The following KIF9 variants were observed in gnomAD, a reference collection of about 807,000 sequenced individuals.
KIF9 encodes the protein kinesin-like protein KIF9.
In KIF9, 68 loss-of-function variants were observed where a neutral mutation model predicts 94.8. The ratio of observed to expected loss-of-function variants is 0.72; its 90% CI spans 0.59 to 0.88. The LOEUF is 0.88. Among genes scored for constraint, KIF9 ranks in the 40% least tolerant of loss-of-function variants. The probability of loss-of-function intolerance (pLI) is 0.00; values close to 1 mark genes in which losing one functional copy is unlikely to be tolerated. For synonymous variants in KIF9, 343 were observed against 362.1 expected (o/e 0.95, Z 0.60); for missense variants, 882 against 982.5 (o/e 0.90, Z 1.37).
intron 10 of KIF9, among the ~76,000 whole-genome samples, chr3:47,250,957 TG>T (rs1700235687): frequency 6.6e-6 from 1 of 152,200 alleles, no homozygotes; most frequent in Non-Finnish European, 1.5e-5. Context: ...ACAGAACCCC[TG>T]GCATCCTGAT....
At chr3:47,258,194 AT>A (rs1700742725) in intron 9 of KIF9, among the ~76,000 whole-genome samples, 1 of 152,238 alleles carries the variant, frequency 6.6e-6, no homozygotes, top group Non-Finnish European at 1.5e-5. Context: ...TTTTATTTAA[AT>A]TTTAACCCAA....
intron 16 of KIF9, among the ~76,000 whole-genome samples, chr3:47,241,468 T>C (rs1407362415): frequency 6.6e-6 from 1 of 151,746 alleles, no homozygotes; most frequent in Non-Finnish European, 1.5e-5. Flanking sequence ...ATTACAGGCA[T>C]GCGCCACCAC....
At chr3:47,244,214 A>G (rs886348629) in intron 15 of KIF9, 2 of 152,460 alleles carry the variant, frequency 1.3e-5, no homozygotes, top group African/African-American at 4.8e-5. Flanking sequence ...AGAAGTGCAG[A>G]GCAGGGAAGG....
At chr3:47,270,935 T>C (rs1701605740) in intron 5 of KIF9, among the ~76,000 whole-genome samples, 1 of 139,868 alleles carries the variant, frequency 7.1e-6, no homozygotes, top group African/African-American at 2.7e-5. Flanking sequence ...GCCCAAGAGT[T>C]CAAGACCAGC....
rs1468117816 is a variant in KIF9, at chr3:47,267,245, T to C, written c.610A>G (p.Ile204Val). 11 of 1,613,096 alleles carry C rather than the reference T, an allele frequency of 6.8e-6. No individual in the cohort carries two copies. The highest frequency in any genetic ancestry group is 9.3e-6 in the Non-Finnish European group (11 of 1,179,186). ...TTTTTGTTCATAGTGTGGGAGGCTA[T>C]AATCCTGTTGGTCTCACCCTGAAGA... Reference protein sequence around the residue: ...LLFEGETNRIIASHTMNKNSS... With the variant: ...LLFEGETNRIVASHTMNKNSS... The change falls in exon 6 of 21, where the codon ATA becomes GTA. Residue 204 changes from isoleucine (I) to valine (V), a missense_variant. Ile to Val is a conservative substitution (Grantham distance 29). Transcript: ENST00000684063.
chr3:47,255,719 C>T (rs191377813), intron 10 of KIF9, among the ~76,000 whole-genome samples: 262 of 151,022 alleles, frequency 1.7e-3, no homozygotes, highest in African/African-American at 5.9e-3. Context: ...AAATTTTCTT[C>T]GCTCTCCCTC....
At chr3:47,257,782 T>C (rs1700717577) in intron 9 of KIF9, among the ~76,000 whole-genome samples, 1 of 152,222 alleles carries the variant, frequency 6.6e-6, no homozygotes, top group Admixed American at 6.5e-5. Context: ...TCCAGCAGCC[T>C]GGTCCTCGTC....
chr3:47,254,310 T>C (rs577425847), intron 10 of KIF9, among the ~76,000 whole-genome samples: 2 of 152,214 alleles, frequency 1.3e-5, no homozygotes, highest in South Asian at 2.1e-4. Context: ...ATACAAAAAT[T>C]AGCTGGGTGT....
In KIF9 at chr3:47,235,682, G is replaced by A. The variant is rs1340168199; in HGVS notation, c.2218-65C>T. On this transcript the variant is annotated intron_variant, in intron 19 of 20. Transcript: ENST00000684063. ...TATACCCTAGCAGAGCCTGTGGTGT[G>A]CATCAGGGCAGTCCCTTGCTGGGTT... is the stretch of plus-strand genomic sequence containing the variant. 14 of 1,300,166 alleles carry A rather than the reference G, an allele frequency of 1.1e-5. No homozygotes were observed. In the East Asian group the frequency reaches 2.5e-4, roughly 23 times the overall value. The allele number at this position is 1,300,166 out of a possible 1,614,324, so 80.5% of individuals were successfully genotyped here. A position where few individuals can be genotyped will look rare whatever the true frequency, so the allele number is the denominator to read the frequency against.
chr3:47,264,482 G>A (rs1701175142), intron 8 of KIF9, 132 bp from the exon 9 acceptor site: 3 of 667,730 alleles, frequency 4.5e-6, no homozygotes, highest in African/African-American at 3.6e-5. Flanking sequence ...TGTCACCCAG[G>A]CTGTAGTGCA....
chr3:47,232,947 T>G (rs1698711427), intron 20 of KIF9, among the ~76,000 whole-genome samples: 2 of 149,092 alleles, frequency 1.3e-5, no homozygotes, highest in Non-Finnish European at 1.5e-5. Context: ...CGCCACTGCA[T>G]TCCAGGTTGG....
At chr3:47,245,244 A>ATT in intron 14 of KIF9, 177 bp downstream of exon 14, 1 of 634,998 alleles carries the variant, frequency 1.6e-6, no homozygotes, top group South Asian at 1.9e-5. Flanking sequence ...TATGGAAATT[A>ATT]TTTTTAATTC....
chr3:47,280,702 CA>C (rs1167976515), intron 1 of KIF9, among the ~76,000 whole-genome samples: 1 of 152,114 alleles, frequency 6.6e-6, no homozygotes, highest in Non-Finnish European at 1.5e-5. Flanking sequence ...AACAAATAAG[CA>C]AAAGCATCAC....
chr3:47,240,950 A>G lies in KIF9; in HGVS notation c.1775T>C (p.Ile592Thr), dbSNP rs766695752. Reference sequence around the variant, plus strand: ...TTTGTTTTCTTTGAAAATTCGGTTGATCTCACTACCTTGCTCATTCTTAAA... The same window carrying G: ...TTTGTTTTCTTTGAAAATTCGGTTGGTCTCACTACCTTGCTCATTCTTAAA... ...EEFKNEQGSE[I>T]NRIFKENKSI... Residue 592 changes from isoleucine to threonine, a missense_variant, in exon 17 of 21, where the codon ATC becomes ACC. Ile to Thr is a moderately conservative substitution (Grantham distance 89). Transcript: ENST00000684063. 1 of 1,614,050 alleles carries G rather than the reference A, an allele frequency of 6.2e-7. No homozygotes were observed. The highest frequency in any genetic ancestry group is 8.5e-7 in the Non-Finnish European group (1 of 1,180,006).
intron 1 of KIF9, among the ~76,000 whole-genome samples, chr3:47,279,626 T>TA (rs937775258): frequency 2.0e-5 from 3 of 151,628 alleles, no homozygotes; most frequent in Admixed American, 2.0e-4. Context: ...TATTTTATTT[T>TA]TTTTTTTTGA....
At chr3:47,241,733 A>ATG (rs950309342) in intron 16 of KIF9, among the ~76,000 whole-genome samples, 1 of 148,022 alleles carries the variant, frequency 6.8e-6, no homozygotes, top group Non-Finnish European at 1.5e-5. Context: ...CATTTTATAT[A>ATG]TGTGTGTGTA....
Position 47,267,064 on chromosome 3 carries a change from T to C in KIF9, c.680A>G (p.His227Arg). The C allele has an allele frequency of 6.2e-7, 1 of 1,613,680 alleles. No homozygotes were observed. The highest frequency in any genetic ancestry group is 8.5e-7 in the Non-Finnish European group (1 of 1,179,834). ...CTTTTCCTCTGATAAGGTCCGGGAATGGGCCTACAAAACATCCAAGCAGAA... is the reference window on the plus strand; with the variant it reads ...CTTTTCCTCTGATAAGGTCCGGGAACGGGCCTACAAAACATCCAAGCAGAA... Reference protein sequence around the residue: ...HCIFTIYLEAHSRTLSEEKYI... With the variant: ...HCIFTIYLEARSRTLSEEKYI... Residue 227 changes from histidine to arginine, a missense_variant, in exon 7 of 21, where the codon CAT becomes CGT. Transcript: ENST00000684063.
chr3:47,248,520 G>A (rs1700073688), intron 10 of KIF9, among the ~76,000 whole-genome samples: 1 of 152,004 alleles, frequency 6.6e-6, no homozygotes, highest in African/African-American at 2.4e-5. Flanking sequence ...TCAGCTCACT[G>A]CAACCTCCGC....
intron 4 of KIF9, among the ~76,000 whole-genome samples, chr3:47,271,882 A>C (rs1306005830): frequency 6.6e-6 from 1 of 152,106 alleles, no homozygotes; most frequent in Non-Finnish European, 1.5e-5. Context: ...AGCACTTTGG[A>C]AGGCGGAGGT....
Sources: gnomAD v4.1 joint callset for allele counts (sites outside exome capture counted in the v4.1 genomes callset) on GRCh38, gnomAD v4.1.1 for gene constraint, MANE v1.5 for transcripts, NCBI Gene and HGNC (gene_info 2026-07-23, HGNC 2026-07-21) for gene names.